TUSC3: variants seen among roughly 807,000 people sequenced by gnomAD.
The protein encoded by TUSC3 is dolichyl-diphosphooligosaccharide--protein glycosyltransferase subunit TUSC3.
In TUSC3, 45 loss-of-function variants were observed where a neutral mutation model predicts 44.8. The observed-to-expected ratio is 1.00, with a 90% CI of 0.79 to 1.29. The LOEUF (loss-of-function observed/expected upper bound fraction) is 1.29, where lower values mean the gene tolerates loss of function less well. Among genes scored for constraint, TUSC3 ranks in the 50% most tolerant of loss-of-function variants. The pLI, the probability that TUSC3 is intolerant of heterozygous loss-of-function variation, is 0.00. For missense variants in TUSC3, 519 were observed against 437.9 expected, an observed-to-expected ratio of 1.19 and a Z score of -1.65; for synonymous variants, 212 against 152.9, an observed-to-expected ratio of 1.39 and a Z score of -2.85.
intron 1 of TUSC3, among the ~76,000 whole-genome samples, chr8:15,594,067 C>A (rs941008432): frequency 6.6e-6 from 1 of 152,060 alleles, no homozygotes; most frequent in African/African-American, 2.4e-5. Flanking sequence ...ACTTGTATAC[C>A]CTTTCTCCCA....
At chr8:15,533,470 T>A (rs1801478133) in intron 2 of TUSC3, among the ~76,000 whole-genome samples, 1 of 152,236 alleles carries the variant, frequency 6.6e-6, no homozygotes, top group Non-Finnish European at 1.5e-5. Flanking sequence ...ACTATCAATT[T>A]ATATTGCTAG....
At chr8:15,440,176 G>C (rs1041002551) in intron 1 of TUSC3, among the ~76,000 whole-genome samples, 2 of 152,210 alleles carry the variant, frequency 1.3e-5, no homozygotes, top group Admixed American at 6.5e-5. Flanking sequence ...TGAGGCTTCA[G>C]CTGAGGGCTG....
At chr8:15,556,167 C>G (rs1256379329) in intron 1 of TUSC3, among the ~76,000 whole-genome samples, 1 of 119,348 alleles carries the variant, frequency 8.4e-6, no homozygotes, top group Non-Finnish European at 1.7e-5. Context: ...TCCCCCCACC[C>G]CACAACAGTC....
rs144885139 is a variant in TUSC3 at position 15,422,381 on chromosome 8, C to T, written n.91+5076C>T. 3.0e-3 allele frequency among the ~76,000 whole-genome samples: 460 copies of T among 152,220 alleles called. 3 individuals carry two copies. The highest frequency in any genetic ancestry group is 0.011 in the African/African-American group (437 of 41,540). On this transcript the variant is annotated intron_variant and non_coding_transcript_variant, in intron 1 of 5. Coordinates refer to the TUSC3 transcript ENST00000503191. ...TATCACTTTATAACACGTCTTCTTA[C>T]CTACTAGAGAGATTACTCCTTGTTC... is the stretch of plus-strand genomic sequence containing the variant.
chr8:15,768,429 A>G (rs1321010320), downstream of TUSC3, among the ~76,000 whole-genome samples: 1 of 152,142 alleles, frequency 6.6e-6, no homozygotes, highest in Non-Finnish European at 1.5e-5. Context: ...AGAGACAAGA[A>G]AGTCATCTTA....
Position 15,471,574 on chromosome 8 carries a change from T to C in TUSC3, n.92-11812T>C, listed in dbSNP as rs143721312. ...TTCACATGAAAGACTTTATGAATCA[T>C]AGTGTTATAAATTTACTTATAACGG... On this transcript the variant is annotated intron_variant and non_coding_transcript_variant, in intron 1 of 5. Transcript: ENST00000503191. 5.1e-3 allele frequency among the ~76,000 whole-genome samples: 772 copies of C among 152,210 alleles called. 3 individuals are homozygous for C. Among genetic ancestry groups the C allele is most frequent in the African/African-American group, 0.017 (723 of 41,544 alleles).
At chr8:15,561,363 TC>T (rs1361887036) in intron 1 of TUSC3, among the ~76,000 whole-genome samples, 2 of 143,598 alleles carry the variant, frequency 1.4e-5, no homozygotes, top group Non-Finnish European at 1.5e-5. Flanking sequence ...CTGCCAGTTC[TC>T]AGATCTCCAG....
chr8:15,643,302 A>C (rs996166058), intron 2 of TUSC3, among the ~76,000 whole-genome samples: 1 of 152,234 alleles, frequency 6.6e-6, no homozygotes, highest in African/African-American at 2.4e-5. Flanking sequence ...GGACTAATAC[A>C]GTAAGAAAAC....
chr8:15,809,037 T>C, the TUSC3 span, among the ~76,000 whole-genome samples: 1 of 151,924 alleles, frequency 6.6e-6, no homozygotes, highest in Non-Finnish European at 1.5e-5. Flanking sequence ...GAGACAAGGG[T>C]TGGTGGGAGG....
chr8:15,587,000 T>G (rs957403767), intron 1 of TUSC3, among the ~76,000 whole-genome samples: 2 of 152,210 alleles, frequency 1.3e-5, no homozygotes, highest in Non-Finnish European at 2.9e-5. Context: ...GGATTACACT[T>G]TGAAAACCAC....
the TUSC3 span, among the ~76,000 whole-genome samples, chr8:15,827,151 A>C: frequency 6.6e-6 from 1 of 152,140 alleles, no homozygotes; most frequent in Admixed American, 6.5e-5. Flanking sequence ...CTATAAGTAC[A>C]TCCCTCTCCA....
At chr8:15,657,694 C>A (rs1341009347) in intron 3 of TUSC3, among the ~76,000 whole-genome samples, 1 of 152,162 alleles carries the variant, frequency 6.6e-6, no homozygotes, top group Non-Finnish European at 1.5e-5. Context: ...CTTCCAGATT[C>A]TTTCAGTCTC....
intron 1 of TUSC3, among the ~76,000 whole-genome samples, chr8:15,613,794 C>T (rs958435071): frequency 6.6e-6 from 1 of 152,102 alleles, no homozygotes; most frequent in Non-Finnish European, 1.5e-5. Flanking sequence ...CTTTAACATT[C>T]CCTTTAAGCA....
At chr8:15,602,599 C>G (rs1333247904) in intron 1 of TUSC3, among the ~76,000 whole-genome samples, 1 of 150,624 alleles carries the variant, frequency 6.6e-6, no homozygotes, top group African/African-American at 2.4e-5. Flanking sequence ...TGCAAATTGC[C>G]TAATCTTGTT....
At chr8:15,802,164 T>C in the TUSC3 span, among the ~76,000 whole-genome samples, 1 of 152,186 alleles carries the variant, frequency 6.6e-6, no homozygotes, top group Admixed American at 6.5e-5. Context: ...TTTTGGAAGA[T>C]GATTCATTAA....
chr8:15,541,971 C>G (rs1386929688), intron 1 of TUSC3, among the ~76,000 whole-genome samples: 1 of 150,696 alleles, frequency 6.6e-6, no homozygotes, highest in Non-Finnish European at 1.5e-5. Context: ...GGTGTGAACC[C>G]CAAAGTATTT....
At chr8:15,549,644 G>T (rs997867054) in intron 1 of TUSC3, among the ~76,000 whole-genome samples, 4 of 151,484 alleles carry the variant, frequency 2.6e-5, no homozygotes, top group Non-Finnish European at 5.9e-5. Context: ...AAAAGAAAAC[G>T]GGGCCTCCCT....
intron 7 of TUSC3, among the ~76,000 whole-genome samples, chr8:15,731,773 T>C (rs1226966767): frequency 6.6e-6 from 1 of 152,136 alleles, no homozygotes; most frequent in Admixed American, 6.5e-5. Flanking sequence ...AACATTGAAG[T>C]TTTTGGATTT....
In TUSC3 at chr8:15,568,470, C is replaced by A. The variant is rs138587296; in HGVS notation, c.138+27902C>A. On this transcript the variant is annotated intron_variant, in intron 1 of 10. Coordinates refer to ENST00000503731, the MANE Select transcript of TUSC3 (RefSeq NM_006765.4). The stretch of plus-strand genomic sequence containing the variant: ...TTATTACTATATGAACTTATAAAGT[C>A]CATTTTGCCTAAACTAGATTGAATT... Among the ~76,000 whole-genome samples the A allele has an allele frequency of 4.2e-3, 639 of 152,176 alleles. 2 individuals carry two copies. The highest frequency in any genetic ancestry group is 8.6e-3 in the Admixed American group (132 of 15,284).
Sources: allele counts gnomAD v4.1 joint callset (sites outside exome capture counted in the v4.1 genomes callset), GRCh38; gene constraint gnomAD v4.1.1; transcripts MANE v1.5; gene names NCBI Gene and HGNC (gene_info 2026-07-23, HGNC 2026-07-21).